Variants in PCDHA10 observed in about 807,000 individuals in gnomAD.
PCDHA10 encodes protocadherin alpha 10.
A neutral mutation model predicts 61.2 loss-of-function variants in PCDHA10; 45 were observed. The observed-to-expected ratio is 0.74, with a 90% CI of 0.58 to 0.94. The LOEUF is 0.94. PCDHA10 is among the 40% of genes least tolerant of loss of function. PCDHA10 has a pLI of 0.00. For synonymous variants in PCDHA10, 602 were observed against 548.8 expected, an observed-to-expected ratio of 1.10 and a Z score of -1.35; for missense variants, 1,278 against 1,236.2, an observed-to-expected ratio of 1.03 and a Z score of -0.51.
rs150949805 is a variant in PCDHA10, at chr5:141,009,832, C to T, written c.2742C>T (p.Phe914=). The stretch of plus-strand genomic sequence containing the variant: ...TTGACAAAAGTGACTTCATAACCTT[C>T]GGCAAAAAGGAGGAGACCAAGAAAA... ...SQIDKSDFIT[F]GKKEETKKKK... The change falls in exon 4 of 4, where the codon TTC becomes TTT. Residue 914 remains phenylalanine (F), a synonymous_variant. Coordinates refer to ENST00000307360, the MANE Select transcript of PCDHA10 (RefSeq NM_018901.4). The T allele has an allele frequency of 7.1e-5, 114 of 1,613,408 alleles. No individual in the cohort carries two copies. The highest frequency in any genetic ancestry group is 9.2e-5 in the Non-Finnish European group (109 of 1,179,918).
chr5:140,870,654 C>T lies in PCDHA10; in HGVS notation c.2388+12218C>T, dbSNP rs781878209. 10 of 1,612,444 alleles carry T rather than the reference C, an allele frequency of 6.2e-6. No homozygotes were observed. The African/African-American group carries it at 8.0e-5, about 13-fold the overall frequency. ...TGCACGCGGAGAGCGGCAAGGTGTACGCGCTGCAGCCGTTGGACCACGAGG... is the reference window on the plus strand; with the variant it reads ...TGCACGCGGAGAGCGGCAAGGTGTATGCGCTGCAGCCGTTGGACCACGAGG... On this transcript the variant is annotated intron_variant, in intron 1 of 3. Transcript: ENST00000307360.
In PCDHA10 at chr5:140,884,802, ACTCTGC is replaced by A. The variant is rs2060361534; in HGVS notation, c.2388+26367_2388+26372del. The A allele has an allele frequency of 4.1e-6, 5 of 1,232,140 alleles. No individual in the cohort carries two copies. The South Asian group carries it at 9.1e-5, about 22-fold the overall frequency. The allele number at this position is 1,232,140 out of a possible 1,614,324, so 76.3% of individuals were successfully genotyped here. A position where few individuals can be genotyped will look rare whatever the true frequency, so the allele number is the denominator to read the frequency against. ...TTGCTAGTTGTTATCGAATTTAACA[ACTCTGC>A]TGTGGACATTATGTGTTGGATTATC... is the stretch of plus-strand genomic sequence containing the variant. On this transcript the variant is annotated intron_variant, in intron 1 of 3. Transcript: ENST00000307360.
chr5:140,880,645 C>T (rs535367313), intron 1 of PCDHA10, among the ~76,000 whole-genome samples: 5 of 152,148 alleles, frequency 3.3e-5, no homozygotes, highest in Admixed American at 3.3e-4. Flanking sequence ...CACTTGAGAG[C>T]CCAACTGAGG....
At chr5:140,903,567 G>T (rs1554191019) in intron 1 of PCDHA10, among the ~76,000 whole-genome samples, 1 of 152,170 alleles carries the variant, frequency 6.6e-6, no homozygotes, top group African/African-American at 2.4e-5. Flanking sequence ...GTGGAATTGG[G>T]AGCTGTCTAG....
At chr5:140,946,165 G>A (rs1554217364) in intron 1 of PCDHA10, among the ~76,000 whole-genome samples, 5 of 151,838 alleles carry the variant, frequency 3.3e-5, no homozygotes, top group African/African-American at 1.2e-4. Flanking sequence ...TTAAAAGATG[G>A]GTAAAGGATG....
chr5:141,009,705 G>A lies in PCDHA10; in HGVS notation c.2615G>A (p.Gly872Asp), dbSNP rs1554262289. Reference sequence around the variant, plus strand: ...AGCTGGACCTTTAAATACGGACCAGGCAACCCCAAACAATCCGGTCCCGGT... The same window carrying A: ...AGCTGGACCTTTAAATACGGACCAGACAACCCCAAACAATCCGGTCCCGGT... ...SNSWTFKYGPGNPKQSGPGEL... is the reference protein window; with the variant it reads ...SNSWTFKYGPDNPKQSGPGEL... Residue 872 changes from glycine (G) to aspartate (D), a missense_variant, in exon 4 of 4, where the codon GGC (glycine) becomes GAC (aspartate). Physicochemically the swap from Gly to Asp is moderately conservative, Grantham distance 94 (BLOSUM62 -1). Transcript: ENST00000307360. The A allele has an allele frequency of 6.2e-7, 1 of 1,614,106 alleles. No homozygotes were observed. Among genetic ancestry groups the A allele is most frequent in the Non-Finnish European group, 8.5e-7 (1 of 1,180,026 alleles).
intron 1 of PCDHA10, among the ~76,000 whole-genome samples, chr5:140,914,476 G>C (rs1054000684): frequency 6.6e-6 from 1 of 152,140 alleles, no homozygotes; most frequent in Non-Finnish European, 1.5e-5. Context: ...CTTCATAGGT[G>C]AAGTGTTTCT....
chr5:140,923,200 G>C (rs2081224774), intron 1 of PCDHA10, among the ~76,000 whole-genome samples: 1 of 152,166 alleles, frequency 6.6e-6, no homozygotes, highest in Admixed American at 6.5e-5. Flanking sequence ...AGCAATTTGG[G>C]AGGCTAAGGT....
chr5:140,916,733 A>G (rs1242424937), intron 1 of PCDHA10, among the ~76,000 whole-genome samples: 1 of 152,146 alleles, frequency 6.6e-6, no homozygotes, highest in Non-Finnish European at 1.5e-5. Flanking sequence ...TTGTTGCTGC[A>G]AGCTTCACTG....
At chr5:140,873,718 T>C (rs1259445115) in intron 1 of PCDHA10, among the ~76,000 whole-genome samples, 1 of 152,216 alleles carries the variant, frequency 6.6e-6, no homozygotes, top group East Asian at 1.9e-4. Context: ...TGGTGTGCAG[T>C]GGCGCAATCT....
At chr5:140,870,919 C>G in intron 1 of PCDHA10, 1 of 1,613,952 alleles carries the variant, frequency 6.2e-7, no homozygotes, top group South Asian at 1.1e-5. Context: ...CAACGCGTGG[C>G]TTTCATATGA....
intron 1 of PCDHA10, chr5:140,966,382 G>C (rs1188243032): frequency 5.0e-6 from 2 of 403,766 alleles, no homozygotes; most frequent in Non-Finnish European, 4.3e-6. Flanking sequence ...GTCCGGGTTC[G>C]CTGTCCGCCA....
rs562257406 is a variant in PCDHA10 at position 140,883,263 on chromosome 5, G to A, written c.2388+24827G>A. 5.0e-6 allele frequency: 8 copies of A among 1,613,870 alleles called. No individual in the cohort carries two copies. The Admixed American group carries it at 6.7e-5, about 13-fold the overall frequency. ...GACAAAGGAAATATTCCAATGGCGG[G>A]TCATTGTACCCTTTTGGTGGAAGTA... On this transcript the variant is annotated intron_variant, in intron 1 of 3. Transcript: ENST00000307360.
At chr5:140,978,587 T>C (rs1260706970) in intron 1 of PCDHA10, among the ~76,000 whole-genome samples, 5 of 152,250 alleles carry the variant, frequency 3.3e-5, no homozygotes, top group Admixed American at 6.5e-5. Context: ...GAATGTTCCC[T>C]TAATGGGGCA....
chr5:140,927,637 G>A lies in PCDHA10; in HGVS notation c.2389-51312G>A, dbSNP rs1554204838. Reference sequence around the variant, plus strand: ...CAAGGTTCCAGAGACTGCACCCAATGGGACTGTGTTATTCCGAGTTCAAGC... The same window carrying A: ...CAAGGTTCCAGAGACTGCACCCAATAGGACTGTGTTATTCCGAGTTCAAGC... On this transcript the variant is annotated intron_variant, in intron 1 of 3. Coordinates refer to ENST00000307360, the MANE Select transcript of PCDHA10 (RefSeq NM_018901.4). 3.7e-6 allele frequency: 6 copies of A among 1,614,176 alleles called. 1 individual carries two copies. In the Middle Eastern group the frequency reaches 9.9e-4, roughly 266 times the overall value.
chr5:140,986,173 C>G (rs1459755039), intron 3 of PCDHA10, among the ~76,000 whole-genome samples: 1 of 152,202 alleles, frequency 6.6e-6, no homozygotes, highest in Non-Finnish European at 1.5e-5. Flanking sequence ...GCAGGATAAA[C>G]AAGTCAGGCA....
At chr5:140,884,330 G>T in intron 1 of PCDHA10, 2 of 1,613,876 alleles carry the variant, frequency 1.2e-6, no homozygotes, top group Non-Finnish European at 1.7e-6. Context: ...AGGCGCTGTG[G>T]GTCCAGAAGC....
At chr5:140,967,464 G>T (rs781900904) in intron 1 of PCDHA10, 1 of 1,613,504 alleles carries the variant, frequency 6.2e-7, no homozygotes, top group Non-Finnish European at 8.5e-7. Context: ...GTGGATGGGG[G>T]CATCCCAGCC....
chr5:140,924,597 G>A lies in PCDHA10; in HGVS notation c.2389-54352G>A, dbSNP rs1278228526. ...ATGTTTTCAAATATTATAGAAATATGCAGGCTGATGCCAGGTGCGGTGGCA... is the reference window on the plus strand; with the variant it reads ...ATGTTTTCAAATATTATAGAAATATACAGGCTGATGCCAGGTGCGGTGGCA... On this transcript the variant is annotated intron_variant, in intron 1 of 3. Coordinates refer to ENST00000307360, the MANE Select transcript of PCDHA10 (RefSeq NM_018901.4). Among the ~76,000 whole-genome samples the A allele has an allele frequency of 2.6e-5, 4 of 152,078 alleles. No homozygotes were observed. The East Asian group carries it at 7.7e-4, about 29-fold the overall frequency.
Sources: allele counts gnomAD v4.1 joint callset (sites outside exome capture counted in the v4.1 genomes callset), GRCh38; gene constraint gnomAD v4.1.1; transcripts MANE v1.5; gene names NCBI Gene and HGNC (gene_info 2026-07-23, HGNC 2026-07-21).